The following MUSK variants were observed in gnomAD, a reference collection of about 807,000 sequenced individuals.
MUSK encodes muscle, skeletal receptor tyrosine-protein kinase.
A neutral mutation model predicts 88.7 loss-of-function variants in MUSK; 55 were observed. The observed-to-expected ratio is 0.62, with a 90% CI of 0.50 to 0.78. The LOEUF is 0.78. Ranked by LOEUF, MUSK falls within the 30% of genes least tolerant of loss-of-function variation. MUSK has a pLI of 0.00. For missense variants in MUSK, 1,015 were observed against 1,074.3 expected, an observed-to-expected ratio of 0.94 and a Z score of 0.77; for synonymous variants, 387 against 391.9, an observed-to-expected ratio of 0.99 and a Z score of 0.15.
chr9:110,730,600 A>C (rs1186526864), intron 5 of MUSK, among the ~76,000 whole-genome samples: 1 of 152,056 alleles, frequency 6.6e-6, no homozygotes, highest in Admixed American at 6.6e-5. Flanking sequence ...ACTTGTGTCC[A>C]AGTTTGTTAT....
At chr9:110,739,955 C>A (rs575177636) in intron 6 of MUSK, among the ~76,000 whole-genome samples, 1 of 152,136 alleles carries the variant, frequency 6.6e-6, no homozygotes, top group African/African-American at 2.4e-5. Context: ...TATCATATTA[C>A]AATATATTAA....
intron 5 of MUSK, among the ~76,000 whole-genome samples, chr9:110,712,645 G>A (rs1039761486): frequency 1.3e-5 from 2 of 152,120 alleles, no homozygotes; most frequent in African/African-American, 2.4e-5. Context: ...ACCACACTTT[G>A]AAAAACACTG....
intron 14 of MUSK, among the ~76,000 whole-genome samples, chr9:110,790,193 T>C (rs1412162977): frequency 1.3e-5 from 2 of 152,204 alleles, no homozygotes; most frequent in Non-Finnish European, 2.9e-5. Context: ...AGGAGGACTA[T>C]AAAGTGACCT....
chr9:110,767,131 AG>A (rs1173357148), intron 8 of MUSK, among the ~76,000 whole-genome samples: 1 of 152,250 alleles, frequency 6.6e-6, no homozygotes, highest in Admixed American at 6.5e-5. Context: ...ATCATTCAAC[AG>A]AATAGATCAC....
intron 4 of MUSK, among the ~76,000 whole-genome samples, chr9:110,697,003 C>G (rs1173468956): frequency 1.3e-5 from 2 of 149,448 alleles, no homozygotes; most frequent in Admixed American, 6.7e-5. Flanking sequence ...TTAGCTGTGA[C>G]TTTGGGGAAG....
In MUSK at chr9:110,690,216, T is replaced by G. The variant is rs181559513; in HGVS notation, c.358+2948T>G. Among the ~76,000 whole-genome samples the G allele has an allele frequency of 3.4e-3, 221 of 64,850 alleles. 1 individual carries two copies. The highest frequency in any genetic ancestry group is 0.011 in the African/African-American group (210 of 18,310). 42.5% of individuals were successfully genotyped at this position (64,850 alleles called of 152,430 possible). On this transcript the variant is annotated intron_variant, in intron 3 of 14. Transcript: ENST00000374448. ...TATATAAATATATATAAATATATAT[T>G]TAAGTATAAATATATATTTAAGTAT... is the stretch of plus-strand genomic sequence containing the variant.
Position 110,784,909 on chromosome 9 carries a change from C to T in MUSK, c.1479C>T (p.Ser493=). The change falls in exon 12 of 15, where the codon TCC becomes TCT. Residue 493 remains serine, a synonymous_variant. Transcript: ENST00000374448. ...SSSFSVSPTY[S]MTVIISIMSS... Reference sequence around the variant, plus strand: ...CCTTCTCTGTCTCACCTACATACTCCATGACTGTAATAATCTCCATCATGT... The same window carrying T: ...CCTTCTCTGTCTCACCTACATACTCTATGACTGTAATAATCTCCATCATGT... 1 of 1,613,832 alleles carries T rather than the reference C, an allele frequency of 6.2e-7. No individual in the cohort carries two copies. Among genetic ancestry groups the T allele is most frequent in the South Asian group, 1.1e-5 (1 of 91,080 alleles).
In MUSK at chr9:110,715,129, G is replaced by A. The variant is rs558243538; in HGVS notation, c.628+17663G>A. On this transcript the variant is annotated intron_variant, in intron 5 of 14. Coordinates refer to ENST00000374448, the MANE Select transcript of MUSK (RefSeq NM_005592.4). ...ATAAAGCCTTCTCCCTTTGAAGTCC[G>A]CTAAAGGAACAGCTTTCATGACTCA... Among the ~76,000 whole-genome samples the A allele has an allele frequency of 1.5e-4, 23 of 149,878 alleles. 1 individual carries two copies. The highest frequency in any genetic ancestry group is 5.6e-4 in the African/African-American group (22 of 39,540).
intron 14 of MUSK, among the ~76,000 whole-genome samples, chr9:110,788,560 G>T (rs1186125903): frequency 6.6e-6 from 1 of 151,470 alleles, no homozygotes; most frequent in Non-Finnish European, 1.5e-5. Flanking sequence ...TACACCGGGG[G>T]GGCAGAGGTT....
chr9:110,787,624 G>T lies in MUSK; in HGVS notation c.1779-66G>T. ...GGGAGGTGGGAGGATATGTATAAAT[G>T]TGGGTAGGTATAAAGATATGATGTC... On this transcript the variant is annotated intron_variant, in intron 13 of 14. Coordinates refer to ENST00000374448, the MANE Select transcript of MUSK (RefSeq NM_005592.4). 4 of 1,519,170 alleles carry T rather than the reference G, an allele frequency of 2.6e-6. No homozygotes were observed. The South Asian group carries it at 4.9e-5, about 19-fold the overall frequency. The allele number at this position is 1,519,170 out of a possible 1,614,324, so 94.1% of individuals were successfully genotyped here.
intron 3 of MUSK, among the ~76,000 whole-genome samples, chr9:110,690,571 AAT>A (rs1375960632): frequency 4.1e-4 from 8 of 19,328 alleles, no homozygotes; most frequent in African/African-American, 9.2e-4. Flanking sequence ...TATATATATA[AAT>A]ATATATATTT....
At chr9:110,744,753 T>C (rs991771717) in intron 6 of MUSK, among the ~76,000 whole-genome samples, 2 of 152,162 alleles carry the variant, frequency 1.3e-5, no homozygotes, top group African/African-American at 4.8e-5. Flanking sequence ...AGCAGGGAGC[T>C]GTGTCTCCAG....
Position 110,800,347 on chromosome 9 carries a change from T to C in MUSK, c.1969T>C (p.Tyr657His), listed in dbSNP as rs760452360. 19 of 1,613,646 alleles carry C rather than the reference T, an allele frequency of 1.2e-5. No individual in the cohort carries two copies. Among genetic ancestry groups the C allele is most frequent in the Non-Finnish European group, 1.4e-5 (17 of 1,179,754 alleles). ...VGKPMCLLFEYMAYGDLNEFL... is the reference protein window; with the variant it reads ...VGKPMCLLFEHMAYGDLNEFL... ...GAAGCCAATGTGCCTGCTCTTTGAA[T>C]ACATGGCCTATGGTGACCTCAATGA... Residue 657 changes from tyrosine (Y) to histidine (H), a missense_variant, in exon 15 of 15, where the codon TAC becomes CAC. By Grantham distance (83) the Tyr-to-His change is moderately conservative. Coordinates refer to ENST00000374448, the MANE Select transcript of MUSK (RefSeq NM_005592.4).
chr9:110,680,126 G>A (rs2076088201), intron 1 of MUSK, among the ~76,000 whole-genome samples: 1 of 152,000 alleles, frequency 6.6e-6, no homozygotes, highest in Admixed American at 6.6e-5. Flanking sequence ...GTTTATAAGT[G>A]TTCTGAGTTT....
chr9:110,761,509 T>C (rs2077398154), intron 7 of MUSK, among the ~76,000 whole-genome samples: 1 of 151,550 alleles, frequency 6.6e-6, no homozygotes, highest in African/African-American at 2.4e-5. Flanking sequence ...CTTCTCCTTC[T>C]TTTTTCTTTT....
intron 5 of MUSK, among the ~76,000 whole-genome samples, chr9:110,723,984 TTCTC>T (rs2076850327): frequency 6.6e-6 from 1 of 152,046 alleles, no homozygotes. Flanking sequence ...CTGTCCATCT[TTCTC>T]TCTGGCCTCA....
intron 1 of MUSK, 48 bp from the exon 2 acceptor site, chr9:110,682,626 T>G (rs750620763): frequency 6.3e-7 from 1 of 1,597,470 alleles, no homozygotes; most frequent in Admixed American, 1.7e-5. Flanking sequence ...GAAGGGTTAG[T>G]AAACAAAATT....
chr9:110,723,723 G>A (rs1373893728), intron 5 of MUSK, among the ~76,000 whole-genome samples: 2 of 151,836 alleles, frequency 1.3e-5, no homozygotes, highest in Non-Finnish European at 2.9e-5. Flanking sequence ...TTGTGTGTCT[G>A]GCATTTAATT....
chr9:110,801,582 G>A lies in MUSK; in HGVS notation c.*594G>A, dbSNP rs544119990. ...TGTGGTTACATTTTATTGATAGAGG[G>A]TTTCTAAGGAATGAAACAGCAAATC... is the stretch of plus-strand genomic sequence containing the variant. On this transcript the variant is annotated 3_prime_UTR_variant, in exon 15 of 15. Transcript: ENST00000374448. 6.6e-5 allele frequency: 10 copies of A among 152,216 alleles called. No individual in the cohort carries two copies. The highest frequency in any genetic ancestry group is 4.6e-4 in the Admixed American group (7 of 15,294). 9.4% of individuals were successfully genotyped at this position (152,216 alleles called of 1,614,324 possible).
Sources: allele counts gnomAD v4.1 joint callset (sites outside exome capture counted in the v4.1 genomes callset), GRCh38; gene constraint gnomAD v4.1.1; transcripts MANE v1.5; gene names NCBI Gene and HGNC (gene_info 2026-07-23, HGNC 2026-07-21).